The following TENM2 variants were observed in gnomAD, a reference collection of about 807,000 sequenced individuals.
The protein encoded by TENM2 is teneurin-2.
A neutral mutation model predicts 245.2 loss-of-function variants in TENM2; 52 were observed. The ratio of observed to expected loss-of-function variants is 0.21; its 90% CI spans 0.17 to 0.27. The LOEUF is 0.27. TENM2 is among the 10% of genes least tolerant of loss of function. TENM2 has a pLI of 1.00. For missense variants in TENM2, 3,046 were observed against 3,666.8 expected, an observed-to-expected ratio of 0.83 and a Z score of 4.37; for synonymous variants, 1,363 against 1,438.9, an observed-to-expected ratio of 0.95 and a Z score of 1.19.
intron 2 of TENM2, among the ~76,000 whole-genome samples, chr5:167,377,775 G>A (rs1760851759): frequency 6.6e-6 from 1 of 152,148 alleles, no homozygotes; most frequent in Non-Finnish European, 1.5e-5. Flanking sequence ...GTTTGGGAAT[G>A]TATTATCATA....
the TENM2 span, among the ~76,000 whole-genome samples, chr5:167,083,552 T>C: frequency 6.6e-6 from 1 of 152,224 alleles, no homozygotes; most frequent in Non-Finnish European, 1.5e-5. Flanking sequence ...AATAGATGTA[T>C]GACCTTAAAT....
chr5:167,299,632 G>A (rs1277651804), intron 1 of TENM2, among the ~76,000 whole-genome samples: 1 of 152,196 alleles, frequency 6.6e-6, no homozygotes, highest in Non-Finnish European at 1.5e-5. Context: ...AGCATAGCCT[G>A]CCTTTGCTGG....
chr5:168,238,070 G>A (rs1032839184), intron 25 of TENM2, among the ~76,000 whole-genome samples: 1 of 150,328 alleles, frequency 6.7e-6, no homozygotes, highest in Admixed American at 6.7e-5. Flanking sequence ...GTGTGAACCC[G>A]GGAGGTGGAG....
chr5:167,789,721 T>C (rs760701333), intron 2 of TENM2, among the ~76,000 whole-genome samples: 12 of 152,220 alleles, frequency 7.9e-5, no homozygotes, highest in Non-Finnish European at 1.2e-4. Context: ...AACAATATTC[T>C]TTGGTACTAA....
chr5:167,588,170 G>A (rs1422612650), intron 2 of TENM2, among the ~76,000 whole-genome samples: 1 of 152,180 alleles, frequency 6.6e-6, no homozygotes, highest in African/African-American at 2.4e-5. Context: ...CAACATAACT[G>A]CAATATGCAA....
intron 2 of TENM2, among the ~76,000 whole-genome samples, chr5:167,833,199 A>G (rs1166180198): frequency 6.6e-6 from 1 of 152,162 alleles, no homozygotes; most frequent in Non-Finnish European, 1.5e-5. Context: ...TTAAGCATCC[A>G]TCAATTTTAT....
rs79090891 is a variant in TENM2, at chr5:167,659,171, G to A, written c.503-216815G>A. Among the ~76,000 whole-genome samples the A allele has an allele frequency of 6.0e-3, 913 of 152,280 alleles. 7 individuals are homozygous for A. The highest frequency in any genetic ancestry group is 0.019 in the African/African-American group (795 of 41,556). On this transcript the variant is annotated intron_variant, in intron 2 of 28. Coordinates refer to ENST00000518659, the Ensembl canonical transcript of TENM2. The stretch of plus-strand genomic sequence containing the variant: ...TTATAGATTGCAATGATTATATTGC[G>A]GGAGCAGTTGATGCATTTGTTGGTG...
chr5:168,106,181 G>A (rs919676795), intron 9 of TENM2, among the ~76,000 whole-genome samples: 5 of 152,120 alleles, frequency 3.3e-5, no homozygotes, highest in African/African-American at 2.4e-5. Context: ...CCACAACCAC[G>A]GGAACATAAA....
chr5:167,515,680 T>TACACATATATACGTATATATGTATA (rs1283561249), intron 2 of TENM2, among the ~76,000 whole-genome samples: 8 of 55,866 alleles, frequency 1.4e-4, no homozygotes, highest in Non-Finnish European at 2.1e-4. Flanking sequence ...TGTATATATA[T>TACACATATATACGTATATATGTATA]TTTGAGAGGG....
At chr5:167,634,831 T>C (rs934798891) in intron 2 of TENM2, among the ~76,000 whole-genome samples, 9 of 152,150 alleles carry the variant, frequency 5.9e-5, no homozygotes, top group Non-Finnish European at 8.8e-5. Context: ...GCTACAATCA[T>C]AGAGATGAGT....
intron 1 of TENM2, among the ~76,000 whole-genome samples, chr5:167,288,887 T>G (rs72829315): frequency 6.6e-6 from 1 of 152,338 alleles, no homozygotes; most frequent in Non-Finnish European, 1.5e-5. Context: ...CTTTAAATCC[T>G]TAGTCAAAGG....
chr5:167,192,947 G>A, the TENM2 span, among the ~76,000 whole-genome samples: 1 of 152,008 alleles, frequency 6.6e-6, no homozygotes, highest in African/African-American at 2.4e-5. Context: ...GAGGGAGGCA[G>A]CAGAGAAATC....
intron 2 of TENM2, among the ~76,000 whole-genome samples, chr5:167,541,431 G>A (rs990336812): frequency 3.3e-5 from 5 of 152,226 alleles, no homozygotes; most frequent in South Asian, 2.1e-4. Context: ...AGAGGGTGAG[G>A]TGTTTTTTGA....
chr5:167,733,589 C>T (rs990087369), intron 2 of TENM2, among the ~76,000 whole-genome samples: 20 of 152,106 alleles, frequency 1.3e-4, no homozygotes, highest in African/African-American at 4.3e-4. Flanking sequence ...GTAAGACTTG[C>T]GCCAGAGTAC....
intron 3 of TENM2, among the ~76,000 whole-genome samples, chr5:167,878,977 G>C (rs1282286001): frequency 6.6e-6 from 1 of 152,098 alleles, no homozygotes; most frequent in Non-Finnish European, 1.5e-5. Flanking sequence ...GCCCATACAC[G>C]ACAGTAAAAC....
the TENM2 span, among the ~76,000 whole-genome samples, chr5:167,122,417 C>G: frequency 2.6e-5 from 4 of 152,226 alleles, no homozygotes; most frequent in South Asian, 8.3e-4. Context: ...ACTCTATTGT[C>G]CTTTTCCTTC....
chr5:168,149,437 A>G (rs1399384758), intron 12 of TENM2: 1 of 456,930 alleles, frequency 2.2e-6, no homozygotes, highest in Admixed American at 2.4e-5. Flanking sequence ...GTTGGTGGGG[A>G]GTGCTGTTTA....
intron 1 of TENM2, among the ~76,000 whole-genome samples, chr5:167,294,684 T>C (rs1472531893): frequency 1.3e-5 from 2 of 151,958 alleles, no homozygotes; most frequent in East Asian, 3.9e-4. Flanking sequence ...CTAGATAGGT[T>C]TTATTTGGCC....
chr5:168,021,775 CTT>C (rs10563117), intron 5 of TENM2, among the ~76,000 whole-genome samples: 29,386 of 143,400 alleles, frequency 0.2, 3,501 homozygotes, highest in African/African-American at 0.35. Context: ...TATTTGAAAT[CTT>C]TTTTTTTTTT....
Sources: allele counts gnomAD v4.1 joint callset (sites outside exome capture counted in the v4.1 genomes callset), GRCh38; gene constraint gnomAD v4.1.1; transcripts MANE v1.5; gene names NCBI Gene and HGNC (gene_info 2026-07-23, HGNC 2026-07-21).